Variants in PLCL2 observed in about 807,000 individuals in gnomAD.
The protein encoded by PLCL2 is inactive phospholipase C-like protein 2.
Under a neutral mutation model 79.6 loss-of-function variants are expected in PLCL2, and 4 were observed. That is an observed-to-expected ratio of 0.05 (90% CI 0.02 to 0.11). The LOEUF is 0.11. PLCL2 is among the 10% of genes least tolerant of loss of function. The pLI is 1.00. For missense variants in PLCL2, 895 were observed against 1,291.0 expected (o/e 0.69, Z 4.70); for synonymous variants, 484 against 457.7 (o/e 1.06, Z -0.73).
intron 5 of PLCL2, chr3:17,081,222 C>T (rs962380073): frequency 8.8e-6 from 4 of 456,616 alleles, no homozygotes; most frequent in Non-Finnish European, 1.8e-5. Context: ...ATTTTTGTGC[C>T]TCAGACTCCC....
intron 4 of PLCL2, among the ~76,000 whole-genome samples, chr3:17,060,818 T>A (rs958316020): frequency 7.2e-5 from 11 of 152,166 alleles, no homozygotes; most frequent in Non-Finnish European, 1.6e-4. Flanking sequence ...AATATATCAC[T>A]ACACCTAATT....
At chr3:16,917,117 T>A (rs1227247819) in intron 1 of PLCL2, among the ~76,000 whole-genome samples, 1 of 152,150 alleles carries the variant, frequency 6.6e-6, no homozygotes, top group East Asian at 1.9e-4. Context: ...CACATCCGGA[T>A]GTACATAGGA....
At chr3:16,942,284 C>T (rs983452409) in intron 1 of PLCL2, among the ~76,000 whole-genome samples, 1 of 152,110 alleles carries the variant, frequency 6.6e-6, no homozygotes, top group East Asian at 1.9e-4. Flanking sequence ...ATTACATAGG[C>T]GAAAGTGAGC....
intron 4 of PLCL2, among the ~76,000 whole-genome samples, chr3:17,057,467 C>A (rs1412083233): frequency 6.6e-6 from 1 of 152,118 alleles, no homozygotes; most frequent in Non-Finnish European, 1.5e-5. Context: ...ATGTGAATGC[C>A]TGAAGTATTA....
rs1446080142 is a variant in PLCL2, at chr3:16,954,985, A to C, written c.328-54689A>C. On this transcript the variant is annotated intron_variant, in intron 1 of 5. Coordinates refer to ENST00000615277, the MANE Select transcript of PLCL2 (RefSeq NM_001144382.2). The stretch of plus-strand genomic sequence containing the variant: ...CTCCCATTCTGTAGGTTGCCTGTTC[A>C]CTCTGATGGTAGTTTCTTTTGCTGT... 3.9e-5 allele frequency among the ~76,000 whole-genome samples: 6 copies of C among 152,126 alleles called. No individual in the cohort carries two copies. The East Asian group carries it at 1.2e-3, about 29-fold the overall frequency.
intron 1 of PLCL2, among the ~76,000 whole-genome samples, chr3:16,924,993 G>A (rs932560385): frequency 1.3e-4 from 19 of 151,000 alleles, no homozygotes; most frequent in Non-Finnish European, 2.2e-4. Context: ...GCACAATCTC[G>A]GCTCACTGCA....
At chr3:16,973,201 G>T (rs1004502270) in intron 1 of PLCL2, among the ~76,000 whole-genome samples, 4 of 152,018 alleles carry the variant, frequency 2.6e-5, no homozygotes, top group Admixed American at 2.0e-4. Flanking sequence ...CTTAACATTT[G>T]TCTGTCTGAA....
chr3:16,990,802 G>A (rs1262615557), intron 1 of PLCL2, among the ~76,000 whole-genome samples: 2 of 152,140 alleles, frequency 1.3e-5, no homozygotes, highest in African/African-American at 2.4e-5. Flanking sequence ...TGAGTCACTC[G>A]GGGTCCAACT....
chr3:17,045,326 A>T (rs1575602407), intron 4 of PLCL2, among the ~76,000 whole-genome samples: 1 of 152,204 alleles, frequency 6.6e-6, no homozygotes, highest in East Asian at 1.9e-4. Flanking sequence ...ACTGAGTGGA[A>T]ATAAAGAGTC....
chr3:17,013,971 T>C (rs1371797791), intron 2 of PLCL2, among the ~76,000 whole-genome samples: 1 of 152,232 alleles, frequency 6.6e-6, no homozygotes, highest in Non-Finnish European at 1.5e-5. Flanking sequence ...TAAATGGAAG[T>C]AATGTGTAAT....
At chr3:16,954,214 G>C (rs1342860607) in intron 1 of PLCL2, among the ~76,000 whole-genome samples, 3 of 151,952 alleles carry the variant, frequency 2.0e-5, no homozygotes, top group Admixed American at 6.6e-5. Flanking sequence ...GTGTGATGTT[G>C]CCCTTCCTGT....
Position 17,009,614 on chromosome 3 carries a change from T to C in PLCL2, c.328-60T>C. 1 of 859,156 alleles carries C rather than the reference T, an allele frequency of 1.2e-6. No homozygotes were observed. Among genetic ancestry groups the C allele is most frequent in the Non-Finnish European group, 1.8e-6 (1 of 569,182 alleles). 53.2% of individuals were successfully genotyped at this position (859,156 alleles called of 1,614,324 possible). On this transcript the variant is annotated intron_variant, in intron 1 of 5. Transcript: ENST00000615277. This position sits in a 1 kb window ranked among gnomAD's most constrained non-coding sequence, Gnocchi z 4.0. Reference sequence around the variant, plus strand: ...TAGGAAATTAAATTTCTATTCATAATCTTGAACATAGAAACCTATATTTAT... The same window carrying C: ...TAGGAAATTAAATTTCTATTCATAACCTTGAACATAGAAACCTATATTTAT...
intron 1 of PLCL2, among the ~76,000 whole-genome samples, chr3:16,898,568 T>A (rs1483562864): frequency 6.6e-6 from 1 of 152,202 alleles, no homozygotes; most frequent in African/African-American, 2.4e-5. Flanking sequence ...TAGCAAGCGT[T>A]CTACTGGGCT....
intron 1 of PLCL2, among the ~76,000 whole-genome samples, chr3:16,926,014 G>A (rs983973524): frequency 6.6e-6 from 1 of 152,212 alleles, no homozygotes; most frequent in Non-Finnish European, 1.5e-5. Flanking sequence ...AAGAAAAGGA[G>A]TGGGCCATAT....
chr3:16,885,302 T>C lies in PLCL2; in HGVS notation c.263T>C (p.Val88Ala), dbSNP rs555576288. ...GCGCTCGCCCCGACCCCCAGCGCGG[T>C]CGTCTGTACCCTCCCCCGGGAGAGC... ...GVALAPTPSAVVCTLPRESKP... is the reference protein window; with the variant it reads ...GVALAPTPSAAVCTLPRESKP... Residue 88 changes from valine (V) to alanine (A), a missense_variant, in exon 1 of 6, where the codon GTC (valine) becomes GCC (alanine). Val to Ala is a moderately conservative substitution (Grantham distance 64). This residue lies in a region of PLCL2 where 110 missense variants were observed against 42.9 expected (regional missense o/e 2.56). Coordinates refer to ENST00000615277, the MANE Select transcript of PLCL2 (RefSeq NM_001144382.2). 3 of 657,048 alleles carry C rather than the reference T, an allele frequency of 4.6e-6. No individual in the cohort carries two copies. The highest frequency in any genetic ancestry group is 6.2e-5 in the East Asian group (2 of 32,206). 40.7% of individuals were successfully genotyped at this position (657,048 alleles called of 1,614,324 possible). A position where few individuals can be genotyped will look rare whatever the true frequency, so the allele number is the denominator to read the frequency against.
intron 1 of PLCL2, among the ~76,000 whole-genome samples, chr3:16,964,129 C>T (rs898682220): frequency 2.0e-5 from 3 of 151,636 alleles, no homozygotes; most frequent in African/African-American, 7.3e-5. Flanking sequence ...CCCATTAACT[C>T]GTCATTTACA....
At chr3:16,926,229 C>G (rs1284353955) in intron 1 of PLCL2, among the ~76,000 whole-genome samples, 1 of 152,044 alleles carries the variant, frequency 6.6e-6, no homozygotes, top group Non-Finnish European at 1.5e-5. Context: ...AAGTTGCTCT[C>G]AAACAAACAA....
intron 4 of PLCL2, among the ~76,000 whole-genome samples, chr3:17,057,217 C>T (rs552197898): frequency 8.5e-5 from 13 of 152,182 alleles, no homozygotes; most frequent in African/African-American, 3.1e-4. Context: ...CAACTTATCC[C>T]CTTTGGAGAT....
chr3:16,906,004 A>G (rs1696743657), intron 1 of PLCL2, among the ~76,000 whole-genome samples: 1 of 152,186 alleles, frequency 6.6e-6, no homozygotes, highest in African/African-American at 2.4e-5. Flanking sequence ...AGGACTTTAT[A>G]TGCAGCAGGA....
Sources: allele counts gnomAD v4.1 joint callset (sites outside exome capture counted in the v4.1 genomes callset), GRCh38; gene constraint gnomAD v4.1.1; regional missense constraint gnomAD v4.1.1; non-coding constraint Gnocchi (gnomAD v3.1); transcripts MANE v1.5; gene names NCBI Gene and HGNC (gene_info 2026-07-23, HGNC 2026-07-21).